The following TMEM131L variants were observed in gnomAD, a reference collection of about 807,000 sequenced individuals.
TMEM131L encodes transmembrane 131 like, also known as transmembrane protein 131-like.
A neutral mutation model predicts 192.2 loss-of-function variants in TMEM131L; 54 were observed. That is an observed-to-expected ratio of 0.28 (90% CI 0.23 to 0.35). The LOEUF is 0.35. Among genes scored for constraint, TMEM131L ranks in the 10% least tolerant of loss-of-function variants. The pLI is 1.00. For synonymous variants in TMEM131L, 701 were observed against 704.9 expected, an observed-to-expected ratio of 0.99 and a Z score of 0.09; for missense variants, 1,888 against 1,972.9, an observed-to-expected ratio of 0.96 and a Z score of 0.82.
intron 26 of TMEM131L, among the ~76,000 whole-genome samples, chr4:153,617,029 C>G (rs1043323393): frequency 1.3e-5 from 2 of 152,152 alleles, no homozygotes; most frequent in Non-Finnish European, 2.9e-5. Flanking sequence ...TTGTCTGTGT[C>G]CCTACCCAAA....
At chr4:153,618,168 C>A (rs978866305) in intron 26 of TMEM131L, among the ~76,000 whole-genome samples, 1 of 152,056 alleles carries the variant, frequency 6.6e-6, no homozygotes, top group African/African-American at 2.4e-5. Flanking sequence ...AATGTTTCTC[C>A]ACACTGCCAT....
chr4:153,633,546 A>C (rs1448472095), intron 32 of TMEM131L, among the ~76,000 whole-genome samples: 1 of 152,174 alleles, frequency 6.6e-6, no homozygotes, highest in Non-Finnish European at 1.5e-5. Flanking sequence ...AAAGTTTTAA[A>C]AGATCAAATA....
At chr4:153,520,833 G>A (rs1052484631) in intron 3 of TMEM131L, among the ~76,000 whole-genome samples, 3 of 152,216 alleles carry the variant, frequency 2.0e-5, no homozygotes, top group Non-Finnish European at 4.4e-5. Flanking sequence ...AAAGTACGTC[G>A]TGTTTAGAAT....
intron 29 of TMEM131L, among the ~76,000 whole-genome samples, chr4:153,625,643 T>C (rs77456980): frequency 0.024 from 3,632 of 151,932 alleles, 144 homozygotes; most frequent in African/African-American, 0.081. Flanking sequence ...TACACACACA[T>C]AAAGGAGACT....
chr4:153,618,386 C>T (rs1159711296), intron 26 of TMEM131L, among the ~76,000 whole-genome samples: 3 of 144,926 alleles, frequency 2.1e-5, no homozygotes, highest in African/African-American at 7.7e-5. Flanking sequence ...CTGAGGTAGG[C>T]GGTTGCTTGA....
rs1730688288 is a variant in TMEM131L, at chr4:153,586,188, TCTTG to T, written c.1312-17_1312-14del. ...AATTAGTGTTAGGAAAAGTAATTTC[TCTTG>T]CTTCTTTTCTTTTTAGATTCTGAAT... On this transcript the variant is annotated splice_polypyrimidine_tract_variant and intron_variant, in intron 13 of 34. Transcript: ENST00000409959. 6.6e-7 allele frequency: 1 copy of T among 1,523,544 alleles called. No homozygotes were observed. The highest frequency in any genetic ancestry group is 2.3e-5 in the Admixed American group (1 of 43,194). 94.4% of individuals were successfully genotyped at this position (1,523,544 alleles called of 1,614,324 possible). A position where few individuals can be genotyped will look rare whatever the true frequency, so the allele number is the denominator to read the frequency against.
chr4:153,468,848 A>G (rs1028559231), intron 2 of TMEM131L, among the ~76,000 whole-genome samples: 1 of 151,608 alleles, frequency 6.6e-6, no homozygotes, highest in Non-Finnish European at 1.5e-5. Flanking sequence ...GTGTATATCT[A>G]TGTATATGTA....
At chr4:153,603,728 A>T (rs1053322920) in intron 24 of TMEM131L, 74 bp from the exon 25 acceptor site, 1 of 1,450,642 alleles carries the variant, frequency 6.9e-7, no homozygotes, top group Non-Finnish European at 9.3e-7. Context: ...CCCTTTTCTC[A>T]TGGATATGGA....
At chr4:153,474,450 G>A (rs1247025423) in intron 3 of TMEM131L, among the ~76,000 whole-genome samples, 1 of 152,254 alleles carries the variant, frequency 6.6e-6, no homozygotes, top group Admixed American at 6.5e-5. Context: ...CCTAAGGCTG[G>A]AAGCCCTGCC....
chr4:153,631,704 A>G (rs1430100177), intron 31 of TMEM131L, among the ~76,000 whole-genome samples: 2 of 152,180 alleles, frequency 1.3e-5, no homozygotes, highest in African/African-American at 2.4e-5. Context: ...CAAGAAGTCA[A>G]CTCTGCTCAA....
chr4:153,485,928 A>G (rs1160442488), intron 3 of TMEM131L, among the ~76,000 whole-genome samples: 1 of 152,210 alleles, frequency 6.6e-6, no homozygotes, highest in Non-Finnish European at 1.5e-5. Context: ...TCATCAAGGT[A>G]AAACAATTTG....
In TMEM131L at chr4:153,532,684, A is replaced by T. The variant is rs141813836; in HGVS notation, c.240-17389A>T. On this transcript the variant is annotated intron_variant, in intron 3 of 34. Transcript: ENST00000409959. ...TTTTTTTAAGTGGGAATTTCAGATCATCTTCAGCCTTTTGCAAAATTATAC... is the reference window on the plus strand; with the variant it reads ...TTTTTTTAAGTGGGAATTTCAGATCTTCTTCAGCCTTTTGCAAAATTATAC... Among the ~76,000 whole-genome samples, 1,118 of 152,084 alleles carry T rather than the reference A, an allele frequency of 7.4e-3. 12 individuals are homozygous for T. Among genetic ancestry groups the T allele is most frequent in the African/African-American group, 0.026 (1,080 of 41,480 alleles).
chr4:153,561,766 C>A (rs182802880), intron 7 of TMEM131L, among the ~76,000 whole-genome samples: 88 of 152,116 alleles, frequency 5.8e-4, no homozygotes, highest in Middle Eastern at 6.9e-3. Context: ...TCCTTTTGCC[C>A]ATAGTTCTCT....
At chr4:153,546,045 G>A (rs1180414889) in intron 3 of TMEM131L, among the ~76,000 whole-genome samples, 2 of 151,762 alleles carry the variant, frequency 1.3e-5, no homozygotes, top group Non-Finnish European at 2.9e-5. Flanking sequence ...ACTGAGCTCG[G>A]ATAATATATA....
rs142310299 is a variant in TMEM131L, at chr4:153,589,120, G to A, written c.1670+113G>A. ...ACCCCCCTCTCACCCCACCGTAGAT[G>A]CCTGAAACTGTAGCAGACCCTATAT... On this transcript the variant is annotated intron_variant, in intron 16 of 34. Transcript: ENST00000409959. 1.7e-3 allele frequency: 1,108 copies of A among 633,634 alleles called. 13 individuals carry two copies. In the African/African-American group the frequency reaches 0.018, roughly 10 times the overall value. 39.3% of individuals were successfully genotyped at this position (633,634 alleles called of 1,614,324 possible).
intron 31 of TMEM131L, 198 bp from the exon 32 acceptor site, chr4:153,632,520 C>T (rs113705903): frequency 2.8e-4 from 159 of 576,488 alleles, no homozygotes; most frequent in African/African-American, 2.6e-3. Flanking sequence ...AAGAGACAAT[C>T]GGACACTGTC....
Position 153,622,934 on chromosome 4 carries a change from A to G in TMEM131L, c.3896A>G (p.Asp1299Gly), listed in dbSNP as rs1578888381. 1.9e-6 allele frequency: 3 copies of G among 1,614,224 alleles called. No homozygotes were observed. In the East Asian group the frequency reaches 6.7e-5, roughly 36 times the overall value. ...CAGAAGCCTGAGAAGAAATGTGTGGACAAGTTCTGCTCCGATTCCAGCTCT... is the reference window on the plus strand; with the variant it reads ...CAGAAGCCTGAGAAGAAATGTGTGGGCAAGTTCTGCTCCGATTCCAGCTCT... ...YYQKPEKKCVDKFCSDSSSDC... is the reference protein window; with the variant it reads ...YYQKPEKKCVGKFCSDSSSDC... The change falls in exon 29 of 35, where the codon GAC becomes GGC. Residue 1299 changes from aspartate (D) to glycine (G), a missense_variant. By Grantham distance (94) the Asp-to-Gly change is moderately conservative. Coordinates refer to ENST00000409959, the MANE Select transcript of TMEM131L (RefSeq NM_001131007.2).
chr4:153,470,134 C>T (rs1731052256), intron 2 of TMEM131L, among the ~76,000 whole-genome samples: 2 of 151,896 alleles, frequency 1.3e-5, no homozygotes, highest in African/African-American at 4.8e-5. Flanking sequence ...AACCTCTGGC[C>T]AGGTCTCCTG....
At chr4:153,475,219 G>T (rs573586510) in intron 3 of TMEM131L, among the ~76,000 whole-genome samples, 26 of 152,202 alleles carry the variant, frequency 1.7e-4, no homozygotes, top group Admixed American at 5.9e-4. Flanking sequence ...TAGTAACTTT[G>T]GTGGTTTTCA....
Sources: gnomAD v4.1 joint callset for allele counts (sites outside exome capture counted in the v4.1 genomes callset) on GRCh38, gnomAD v4.1.1 for gene constraint, MANE v1.5 for transcripts, NCBI Gene and HGNC (gene_info 2026-07-23, HGNC 2026-07-21) for gene names.